DMD: variants seen among roughly 807,000 people sequenced by gnomAD.
DMD encodes the protein mutant dystrophin.
DMD carries 63 observed loss-of-function variants against 330.1 expected under a neutral mutation model. The ratio of observed to expected loss-of-function variants is 0.19; its 90% confidence interval spans 0.16 to 0.24. DMD has a LOEUF of 0.24. DMD is among the 10% of genes least tolerant of loss of function. DMD has a pLI of 1.00. For missense variants in DMD, 3,344 were observed against 2,684.1 expected, an observed-to-expected ratio of 1.25 and a Z score of -5.43; for synonymous variants, 1,223 against 959.8, an observed-to-expected ratio of 1.27 and a Z score of -5.07.
chrX:32,816,455 G>A lies in DMD; in HGVS notation c.530+13C>T, dbSNP rs1814062675. The A allele has an allele frequency of 1.7e-6, 2 of 1,209,895 alleles. No homozygotes were observed. The highest frequency in any genetic ancestry group is 1.8e-5 in the South Asian group (1 of 56,945). ...CTTTTACAAGTTATTTAATGTCTCA[G>A]TAATCTTCTTACCTATGACTATGGA... On this transcript the variant is annotated intron_variant, in intron 6 of 78. Coordinates refer to ENST00000357033, the MANE Select transcript of DMD (RefSeq NM_004006.3).
chrX:32,436,037 T>A lies in DMD; in HGVS notation c.4071+2204A>T, dbSNP rs762879330. The stretch of plus-strand genomic sequence containing the variant: ...CCTGTGAATTTTGTCAGCATTCCCC[T>A]CCAATATTCTCTTCACACTAGCTTC... On this transcript the variant is annotated intron_variant, in intron 29 of 78. Transcript: ENST00000357033. Among the ~76,000 whole-genome samples, 14 of 111,967 alleles carry A rather than the reference T, an allele frequency of 1.3e-4. No homozygotes were observed. The South Asian group carries it at 2.2e-3, about 18-fold the overall frequency.
intron 9 of DMD, among the ~76,000 whole-genome samples, chrX:32,668,081 G>A (rs954832520): frequency 3.6e-5 from 4 of 110,827 alleles, no homozygotes; most frequent in Non-Finnish European, 5.7e-5. Context: ...CCCAGGAGGC[G>A]GAGGTTGCAG....
At chrX:31,734,456 G>T (rs1010351160) in intron 51 of DMD, among the ~76,000 whole-genome samples, 3 of 110,718 alleles carry the variant, frequency 2.7e-5, no homozygotes, top group African/African-American at 9.8e-5. Context: ...TTTATTTCCT[G>T]GTCTGGTCCA....
At chrX:32,487,724 C>G (rs1326583571) in intron 20 of DMD, among the ~76,000 whole-genome samples, 1 of 110,527 alleles carries the variant, frequency 9.0e-6, no homozygotes, top group Non-Finnish European at 1.9e-5. Flanking sequence ...TGAGCTGATT[C>G]AGGTAAAATA....
chrX:33,231,041 C>T (rs1380631874), intron 1 of DMD, among the ~76,000 whole-genome samples: 1 of 111,287 alleles, frequency 9.0e-6, no homozygotes, highest in African/African-American at 3.3e-5. Context: ...TAGGGCCTTT[C>T]AGTAATGATG....
At chrX:32,299,958 T>C (rs2097515417) in intron 42 of DMD, among the ~76,000 whole-genome samples, 1 of 111,789 alleles carries the variant, frequency 8.9e-6, no homozygotes, top group African/African-American at 3.2e-5. Context: ...CACTCATGTC[T>C]TATATATTTT....
chrX:31,607,251 A>G (rs2077657923), intron 55 of DMD, among the ~76,000 whole-genome samples: 1 of 112,044 alleles, frequency 8.9e-6, no homozygotes, highest in Non-Finnish European at 1.9e-5. Flanking sequence ...TGTTCTCTCC[A>G]GAATATGAAG....
intron 7 of DMD, among the ~76,000 whole-genome samples, chrX:32,785,832 T>C (rs1377867277): frequency 2.7e-5 from 3 of 111,799 alleles, no homozygotes; most frequent in Admixed American, 9.5e-5. Context: ...ATATCGTTGT[T>C]ATATTTTGCA....
chrX:31,675,199 T>C (rs547831062), intron 53 of DMD, among the ~76,000 whole-genome samples: 7 of 112,307 alleles, frequency 6.2e-5, no homozygotes, highest in African/African-American at 1.9e-4. Flanking sequence ...TAATTAATTG[T>C]TGATACTCTA....
intron 1 of DMD, among the ~76,000 whole-genome samples, chrX:33,079,742 C>T (rs2094898688): frequency 9.0e-6 from 1 of 111,507 alleles, no homozygotes; most frequent in Non-Finnish European, 1.9e-5. Context: ...CTGGATATCA[C>T]AAAATAGAAT....
chrX:32,664,367 G>A (rs754685138), intron 9 of DMD, among the ~76,000 whole-genome samples: 11 of 105,709 alleles, frequency 1.0e-4, no homozygotes, highest in African/African-American at 3.8e-4. Flanking sequence ...TCAGCCTCCC[G>A]AGTAGCTGGG....
intron 44 of DMD, among the ~76,000 whole-genome samples, chrX:32,123,072 C>A (rs958542147): frequency 9.5e-6 from 1 of 105,404 alleles, no homozygotes; most frequent in African/African-American, 3.5e-5. Context: ...AGCCTCTGGT[C>A]CCCAAATGAG....
intron 2 of DMD, among the ~76,000 whole-genome samples, chrX:32,985,650 A>G (rs930173176): frequency 8.9e-6 from 1 of 112,016 alleles, no homozygotes; most frequent in African/African-American, 3.2e-5. Context: ...TTTGAGTCAA[A>G]GAAAATAATT....
At chrX:32,456,606 GTGTGTGTGTGTA>G (rs1199434999) in intron 25 of DMD, among the ~76,000 whole-genome samples, 40 of 102,799 alleles carry the variant, frequency 3.9e-4, no homozygotes, top group African/African-American at 1.4e-3. Flanking sequence ...GTGTGTGTGT[GTGTGTGTGTGTA>G]TGTGTGTGTG....
chrX:31,387,972 C>T (rs1451343530), intron 60 of DMD, among the ~76,000 whole-genome samples: 1 of 108,717 alleles, frequency 9.2e-6, no homozygotes, highest in African/African-American at 3.4e-5. Flanking sequence ...TAATTGTGTA[C>T]TTGTTTATCA....
At chrX:32,825,598 A>C (rs1361676758) in intron 4 of DMD, among the ~76,000 whole-genome samples, 1 of 112,419 alleles carries the variant, frequency 8.9e-6, no homozygotes, top group East Asian at 2.8e-4. Context: ...TATTCACAAT[A>C]GCCAAAATGT....
chrX:31,787,508 C>A (rs1401739365), intron 50 of DMD, among the ~76,000 whole-genome samples: 1 of 112,093 alleles, frequency 8.9e-6, no homozygotes, highest in Non-Finnish European at 1.9e-5. Context: ...AGTAGTTTTA[C>A]ACTCCTTGGG....
chrX:33,122,792 C>T (rs775354109), intron 1 of DMD, among the ~76,000 whole-genome samples: 16 of 111,757 alleles, frequency 1.4e-4, no homozygotes, highest in African/African-American at 4.5e-4. Context: ...TCCCTCTAAA[C>T]CTTCCACTTC....
chrX:31,725,599 A>G (rs1043058251), intron 52 of DMD, among the ~76,000 whole-genome samples: 2 of 112,172 alleles, frequency 1.8e-5, no homozygotes, highest in African/African-American at 6.5e-5. Flanking sequence ...AGCCTATTTT[A>G]CAGAGAAGGA....
Sources: gnomAD v4.1 joint callset for allele counts (sites outside exome capture counted in the v4.1 genomes callset) on GRCh38, gnomAD v4.1.1 for gene constraint, MANE v1.5 for transcripts, NCBI Gene and HGNC (gene_info 2026-07-23, HGNC 2026-07-21) for gene names.